PAPOLA: variants seen among roughly 807,000 people sequenced by gnomAD.
PAPOLA encodes the protein polynucleotide adenylyltransferase alpha.
A neutral mutation model predicts 100.6 loss-of-function variants in PAPOLA; 15 were observed. That is an observed-to-expected ratio of 0.15 (90% CI 0.10 to 0.23). The LOEUF is 0.23. PAPOLA is among the 10% of genes least tolerant of loss of function. PAPOLA has a pLI of 1.00. For synonymous variants in PAPOLA, 293 were observed against 300.0 expected, an observed-to-expected ratio of 0.98 and a Z score of 0.24; for missense variants, 533 against 884.2, an observed-to-expected ratio of 0.60 and a Z score of 5.04.
chr14:96,513,504 T>G (rs1897241591), intron 1 of PAPOLA, among the ~76,000 whole-genome samples: 1 of 152,224 alleles, frequency 6.6e-6, no homozygotes, highest in Non-Finnish European at 1.5e-5. Flanking sequence ...GGAGATAAAG[T>G]TGCTAGACAA....
chr14:96,542,034 G>A, intron 12 of PAPOLA: 1 of 361,412 alleles, frequency 2.8e-6, no homozygotes, highest in African/African-American at 2.1e-5. Context: ...TATTCATAAA[G>A]TCACTGCCTT....
chr14:96,534,441 A>G, intron 9 of PAPOLA, 50 bp from the exon 10 acceptor site: 3 of 1,597,454 alleles, frequency 1.9e-6, no homozygotes, highest in Non-Finnish European at 2.6e-6. Context: ...AAATACGTTT[A>G]GATGGTAATA....
intron 20 of PAPOLA, 81 bp from the exon 21 acceptor site, chr14:96,562,735 CTTT>C (rs1901959486): frequency 1.3e-6 from 1 of 774,946 alleles, no homozygotes; most frequent in Non-Finnish European, 2.2e-6. Flanking sequence ...AGTTTGTCTT[CTTT>C]ATTAGCCACC....
intron 3 of PAPOLA, among the ~76,000 whole-genome samples, chr14:96,523,757 A>T (rs1401216847): frequency 6.6e-6 from 1 of 152,308 alleles, no homozygotes; most frequent in Admixed American, 6.5e-5. Flanking sequence ...AGCCTGACTA[A>T]CATGGTGAAA....
intron 21 of PAPOLA, 112 bp downstream of exon 21, chr14:96,563,005 G>T: frequency 1.6e-6 from 1 of 641,336 alleles, no homozygotes; most frequent in Non-Finnish European, 2.7e-6. Flanking sequence ...CTTTCTGAAA[G>T]TAATTACTTG....
chr14:96,525,667 C>T (rs964027806), intron 4 of PAPOLA, among the ~76,000 whole-genome samples: 1 of 152,158 alleles, frequency 6.6e-6, no homozygotes, highest in African/African-American at 2.4e-5. Flanking sequence ...AGGTGGATTG[C>T]TTGAGCCCAG....
intron 1 of PAPOLA, among the ~76,000 whole-genome samples, chr14:96,503,814 T>C (rs569987622): frequency 3.3e-5 from 5 of 152,316 alleles, no homozygotes; most frequent in East Asian, 1.9e-4. Flanking sequence ...CAATTATATA[T>C]GTGTGTGAAT....
chr14:96,552,671 A>G (rs1447937658), intron 17 of PAPOLA, 49 bp downstream of exon 17: 9 of 1,508,360 alleles, frequency 6.0e-6, no homozygotes, highest in South Asian at 2.4e-5. Flanking sequence ...TGCTAAATCA[A>G]TCAGATACAT....
At position 96,535,448 on chromosome 14, in the gene PAPOLA, ACTC is replaced by A. The variant is rs1269900391; in HGVS notation, c.910-428_910-426del. ...TTTCACCGCGTGTTAATAAGCTTGA[ACTC>A]CTTAATAGTTTCAGGGTATATTAAG... On this transcript the variant is annotated intron_variant, in intron 10 of 21. Transcript: ENST00000216277. The A allele has an allele frequency of 4.1e-6, 4 of 984,514 alleles. No individual in the cohort carries two copies. The African/African-American group carries it at 7.0e-5, about 17-fold the overall frequency. 61.0% of individuals were successfully genotyped at this position (984,514 alleles called of 1,614,324 possible). A position where few individuals can be genotyped will look rare whatever the true frequency, so the allele number is the denominator to read the frequency against.
Position 96,534,021 on chromosome 14 carries a change from A to G in PAPOLA, c.837-470A>G, listed in dbSNP as rs1304610539. On this transcript the variant is annotated intron_variant, in intron 9 of 21. Coordinates refer to ENST00000216277, the MANE Select transcript of PAPOLA (RefSeq NM_032632.5). ...AAATGTGGTTATGCCACCAAGTTTT[A>G]CTACTACACTTGTCTTACCACTTTT... The G allele has an allele frequency of 5.1e-6, 5 of 986,594 alleles. No individual in the cohort carries two copies. The South Asian group carries it at 2.3e-4, about 46-fold the overall frequency. 61.1% of individuals were successfully genotyped at this position (986,594 alleles called of 1,614,324 possible). A position where few individuals can be genotyped will look rare whatever the true frequency, so the allele number is the denominator to read the frequency against.
intron 1 of PAPOLA, among the ~76,000 whole-genome samples, chr14:96,513,532 G>A (rs1362158912): frequency 2.0e-5 from 3 of 152,130 alleles, no homozygotes; most frequent in Non-Finnish European, 2.9e-5. Flanking sequence ...AAATTGGTAT[G>A]TGCATTTTTA....
chr14:96,502,792 C>A, intron 1 of PAPOLA, 192 bp downstream of exon 1: 1 of 564,916 alleles, frequency 1.8e-6, no homozygotes, highest in Non-Finnish European at 2.9e-6. Context: ...TGCTGGGTTC[C>A]CGCGTCCCCC....
intron 1 of PAPOLA, among the ~76,000 whole-genome samples, chr14:96,508,649 T>C (rs1896896288): frequency 6.6e-6 from 1 of 152,226 alleles, no homozygotes; most frequent in African/African-American, 2.4e-5. Context: ...AAATTTCATC[T>C]TCAGTTTTAT....
chr14:96,532,817 T>C (rs1288896123), intron 9 of PAPOLA, 168 bp downstream of exon 9: 3 of 1,325,018 alleles, frequency 2.3e-6, no homozygotes, highest in Non-Finnish European at 2.9e-6. Context: ...ACTGAAACTA[T>C]TTTTTTTCCC....
At chr14:96,515,899 T>C (rs1207316035) in intron 1 of PAPOLA, among the ~76,000 whole-genome samples, 1 of 152,184 alleles carries the variant, frequency 6.6e-6, no homozygotes, top group African/African-American at 2.4e-5. Context: ...CATTCAAGAA[T>C]GGGAGGAGGA....
intron 12 of PAPOLA, among the ~76,000 whole-genome samples, chr14:96,541,045 A>G (rs1477454204): frequency 6.6e-6 from 1 of 152,124 alleles, no homozygotes; most frequent in Admixed American, 6.5e-5. Context: ...GCTCACCACC[A>G]TGCCCGGCTA....
At chr14:96,560,006 T>C (rs1197843051) in intron 19 of PAPOLA, among the ~76,000 whole-genome samples, 4 of 152,174 alleles carry the variant, frequency 2.6e-5, no homozygotes, top group Admixed American at 6.5e-5. Flanking sequence ...TTATTGGAAT[T>C]GATCGATACT....
At chr14:96,519,136 C>T (rs1207136488) in intron 1 of PAPOLA, among the ~76,000 whole-genome samples, 1 of 150,112 alleles carries the variant, frequency 6.7e-6, no homozygotes, top group Admixed American at 6.6e-5. Flanking sequence ...AGCATGTTAT[C>T]CAGGCTGGCC....
intron 12 of PAPOLA, among the ~76,000 whole-genome samples, chr14:96,539,347 A>G (rs769526473): frequency 4.6e-5 from 7 of 152,122 alleles, no homozygotes; most frequent in Non-Finnish European, 1.0e-4. Context: ...AGAATTGCAA[A>G]CATTTTTGAC....
Sources: allele counts gnomAD v4.1 joint callset (sites outside exome capture counted in the v4.1 genomes callset), GRCh38; gene constraint gnomAD v4.1.1; transcripts MANE v1.5; gene names NCBI Gene and HGNC (gene_info 2026-07-23, HGNC 2026-07-21).